The following BARHL1 variants were observed in gnomAD, a reference collection of about 807,000 sequenced individuals.
The protein encoded by BARHL1 is BarH like homeobox 1.
In BARHL1, 2 loss-of-function variants were observed where a neutral mutation model predicts 20.1. The observed-to-expected ratio is 0.10, with a 90% CI of 0.04 to 0.31. BARHL1 has a LOEUF of 0.31. Among genes scored for constraint, BARHL1 ranks in the 10% least tolerant of loss-of-function variants. The probability of loss-of-function intolerance (pLI) is 1.00; values close to 1 mark genes in which losing one functional copy is unlikely to be tolerated. For synonymous variants in BARHL1, 213 were observed against 209.9 expected, an observed-to-expected ratio of 1.01 and a Z score of -0.13; for missense variants, 397 against 454.0, an observed-to-expected ratio of 0.87 and a Z score of 1.14.
chr9:132,584,201 T>A (rs1052273354), intron 1 of BARHL1, among the ~76,000 whole-genome samples: 2 of 152,146 alleles, frequency 1.3e-5, no homozygotes, highest in Non-Finnish European at 2.9e-5. Flanking sequence ...AAGAATTCCC[T>A]AATTTTGTTT....
rs770354899 is a variant in BARHL1 at position 132,583,094 on chromosome 9, G to T, written c.297G>T (p.Arg99Ser). 1.9e-6 allele frequency: 3 copies of T among 1,613,888 alleles called. No individual in the cohort carries two copies. Among genetic ancestry groups the T allele is most frequent in the Non-Finnish European group, 2.5e-6 (3 of 1,179,970 alleles). Residue 99 changes from arginine (R) to serine (S), a missense_variant, in exon 1 of 3, where the codon AGG becomes AGT. Transcript: ENST00000263610. ...SRTVTSSFLIRDILADCKPLA... is the reference protein window; with the variant it reads ...SRTVTSSFLISDILADCKPLA... ...CCGTCACCTCCTCCTTTCTGATCAG[G>T]GACATCCTTGCCGACTGCAAACCAC...
chr9:132,588,622 G>A (rs372833127), intron 2 of BARHL1, among the ~76,000 whole-genome samples: 2 of 152,182 alleles, frequency 1.3e-5, no homozygotes, highest in East Asian at 1.9e-4. Context: ...CAGACAGTGC[G>A]CAGGGCTCGC....
intron 1 of BARHL1, among the ~76,000 whole-genome samples, chr9:132,586,548 C>T (rs1830145979): frequency 1.3e-5 from 2 of 152,234 alleles, no homozygotes; most frequent in South Asian, 2.1e-4. Flanking sequence ...TGTAAACACA[C>T]GATGCCACGC....
Position 132,587,785 on chromosome 9 carries a change from G to A in BARHL1, c.689+234G>A, listed in dbSNP as rs1318671970. Among the ~76,000 whole-genome samples, 1 of 152,190 alleles carries A rather than the reference G, an allele frequency of 6.6e-6. No individual in the cohort carries two copies. The highest frequency in any genetic ancestry group is 1.5e-5 in the Non-Finnish European group (1 of 68,038). On this transcript the variant is annotated intron_variant, in intron 2 of 2. Transcript: ENST00000263610. This position sits in a 1 kb window ranked among gnomAD's most constrained non-coding sequence, Gnocchi z 5.5. Reference sequence around the variant, plus strand: ...TCCAGCGTCCAGTCAGCCCTCCCCCGGATGGGTGGACAGACACATAGGCCA... The same window carrying A: ...TCCAGCGTCCAGTCAGCCCTCCCCCAGATGGGTGGACAGACACATAGGCCA...
At position 132,589,766 on chromosome 9, in the gene BARHL1, C is replaced by T. The variant is rs557272579; in HGVS notation, c.*244C>T. 500 of 421,742 alleles carry T rather than the reference C, an allele frequency of 1.2e-3. No individual in the cohort carries two copies. Among genetic ancestry groups the T allele is most frequent in the Non-Finnish European group, 1.7e-3 (435 of 263,360 alleles). 26.1% of individuals were successfully genotyped at this position (421,742 alleles called of 1,614,324 possible). ...CGGCCGCTCTGTCCGGGAGCCATCCCCACCCGCCGGGTGTACATACGCGTC... is the reference window on the plus strand; with the variant it reads ...CGGCCGCTCTGTCCGGGAGCCATCCTCACCCGCCGGGTGTACATACGCGTC... On this transcript the variant is annotated 3_prime_UTR_variant, in exon 3 of 3. Coordinates refer to ENST00000263610, the MANE Select transcript of BARHL1 (RefSeq NM_020064.4).
In BARHL1 at chr9:132,589,427, C is replaced by T. The variant is rs779662889; in HGVS notation, c.889C>T (p.Arg297Cys). The change falls in exon 3 of 3, where the codon CGC (arginine) becomes TGC (cysteine). Residue 297 changes from arginine to cysteine, a missense_variant. Arg to Cys is a radical substitution (Grantham distance 180). Around this residue, in one of 3 missense-constraint regions of BARHL1, gnomAD observed 121 missense variants for 135.9 expected, o/e 0.89. Coordinates refer to ENST00000263610, the MANE Select transcript of BARHL1 (RefSeq NM_020064.4). ...TGCTCTCCAGAGACCTCTGGTGCCCCGCATCCTCATCCACGGACTCCAGGG... is the reference window on the plus strand; with the variant it reads ...TGCTCTCCAGAGACCTCTGGTGCCCTGCATCCTCATCCACGGACTCCAGGG... ...PPALQRPLVPRILIHGLQGAS... is the reference protein window; with the variant it reads ...PPALQRPLVPCILIHGLQGAS... 23 of 1,609,350 alleles carry T rather than the reference C, an allele frequency of 1.4e-5. No individual in the cohort carries two copies. The highest frequency in any genetic ancestry group is 2.2e-5 in the South Asian group (2 of 90,350).
At chr9:132,586,039 G>T (rs1186452565) in intron 1 of BARHL1, among the ~76,000 whole-genome samples, 1 of 152,232 alleles carries the variant, frequency 6.6e-6, no homozygotes, top group Non-Finnish European at 1.5e-5. Context: ...GGGAGAGCCT[G>T]GTGCCAGCCT....
chr9:132,589,524 G>C lies in BARHL1; in HGVS notation c.*2G>C, dbSNP rs1382175105. 7.6e-7 allele frequency: 1 copy of C among 1,313,670 alleles called. No individual in the cohort carries two copies. The highest frequency in any genetic ancestry group is 1.5e-5 in the African/African-American group (1 of 64,628). The allele number at this position is 1,313,670 out of a possible 1,614,324, so 81.4% of individuals were successfully genotyped here. A position where few individuals can be genotyped will look rare whatever the true frequency, so the allele number is the denominator to read the frequency against. On this transcript the variant is annotated 3_prime_UTR_variant, in exon 3 of 3. Transcript: ENST00000263610. Reference sequence around the variant, plus strand: ...CCACGCGCCGCGCAGCCTCGGTGAGGCGCCCGTCGGCTCCGGGGCCTCCTC... The same window carrying C: ...CCACGCGCCGCGCAGCCTCGGTGAGCCGCCCGTCGGCTCCGGGGCCTCCTC...
chr9:132,583,276 G>C lies in BARHL1; in HGVS notation c.466+13G>C. ...TCTGAGTATAAAGGTAAGAAAGCAG[G>C]AGGTGAAAACTTGGGGGGATGCTAT... On this transcript the variant is annotated intron_variant, in intron 1 of 2. Transcript: ENST00000263610. The C allele has an allele frequency of 6.3e-7, 1 of 1,591,530 alleles. No individual in the cohort carries two copies. Among genetic ancestry groups the C allele is most frequent in the Non-Finnish European group, 8.6e-7 (1 of 1,166,490 alleles).
In BARHL1 at chr9:132,582,929, C is replaced by T; in HGVS notation, c.132C>T (p.Ser44=). ...SPLELSPRSE[S]SSDCSSPASP... The stretch of plus-strand genomic sequence containing the variant: ...TGGAGCTGAGTCCACGCTCAGAGAG[C>T]AGCAGCGACTGCTCTTCGCCAGCCT... Residue 44 remains serine (S), a synonymous_variant, in exon 1 of 3, where the codon AGC becomes AGT. Coordinates refer to ENST00000263610, the MANE Select transcript of BARHL1 (RefSeq NM_020064.4). The T allele has an allele frequency of 2.5e-6, 4 of 1,613,514 alleles. No individual in the cohort carries two copies. Among genetic ancestry groups the T allele is most frequent in the Non-Finnish European group, 3.4e-6 (4 of 1,179,960 alleles).
At chr9:132,586,257 C>T (rs78781031) in intron 1 of BARHL1, among the ~76,000 whole-genome samples, 3,102 of 152,302 alleles carry the variant, frequency 0.02, 111 homozygotes, top group African/African-American at 0.071. Context: ...ACTGCAAACG[C>T]CACGCACAAT....
rs1162461495 is a variant in BARHL1, at chr9:132,587,301, G to C, written c.467-28G>C. The C allele has an allele frequency of 1.3e-6, 2 of 1,562,966 alleles. No homozygotes were observed. The highest frequency in any genetic ancestry group is 2.7e-5 in the African/African-American group (2 of 73,966). ...GGGCACCGGCGGCGGCTGCGAGGCC[G>C]GGCCCTGACATGCCGCTGTGTCCGC... On this transcript the variant is annotated intron_variant, in intron 1 of 2. Transcript: ENST00000263610. This position sits in a 1 kb window ranked among gnomAD's most constrained non-coding sequence, Gnocchi z 5.5.
intron 1 of BARHL1, among the ~76,000 whole-genome samples, chr9:132,585,933 C>T (rs1830139340): frequency 6.6e-6 from 1 of 152,244 alleles, no homozygotes; most frequent in South Asian, 2.1e-4. Context: ...TTTCCTCAAA[C>T]TTATTTAAAC....
At chr9:132,586,846 C>T (rs1158123685) in intron 1 of BARHL1, among the ~76,000 whole-genome samples, 1 of 152,228 alleles carries the variant, frequency 6.6e-6, no homozygotes. Flanking sequence ...TTTTGTCCCT[C>T]CACGCAGGTT....
Position 132,589,396 on chromosome 9 carries a change from G to A in BARHL1, c.858G>A (p.Pro286=). The A allele has an allele frequency of 6.2e-7, 1 of 1,612,222 alleles. No individual in the cohort carries two copies. Among genetic ancestry groups the A allele is most frequent in the Non-Finnish European group, 8.5e-7 (1 of 1,179,650 alleles). ...ACCTGTACCGCGGCCCCAGCGCGCC[G>A]CCGCCTGCTCTCCAGAGACCTCTGG... ...ALYLYRGPSA[P]PPALQRPLVP... is the part of the protein sequence containing the mutation. The change falls in exon 3 of 3, where the codon CCG becomes CCA. Residue 286 remains proline, a synonymous_variant. Coordinates refer to ENST00000263610, the MANE Select transcript of BARHL1 (RefSeq NM_020064.4).
Position 132,582,719 on chromosome 9 carries a change from C to T in BARHL1, c.-79C>T, listed in dbSNP as rs924097914. On this transcript the variant is annotated 5_prime_UTR_variant, in exon 1 of 3. Transcript: ENST00000263610. ...TGCCCGCCTTCCCCATGCCAGCCCG[C>T]AGCTAGGGGCAGGGGCAGCGGCGGC... The T allele has an allele frequency of 1.8e-5, 24 of 1,310,142 alleles. No homozygotes were observed. The highest frequency in any genetic ancestry group is 2.4e-5 in the Admixed American group (1 of 41,570). The allele number at this position is 1,310,142 out of a possible 1,614,324, so 81.2% of individuals were successfully genotyped here. A position where few individuals can be genotyped will look rare whatever the true frequency, so the allele number is the denominator to read the frequency against.
intron 1 of BARHL1, among the ~76,000 whole-genome samples, chr9:132,584,903 T>G (rs1201131453): frequency 6.6e-6 from 1 of 152,168 alleles, no homozygotes; most frequent in Non-Finnish European, 1.5e-5. Flanking sequence ...AAATATATAT[T>G]CATAACATCA....
chr9:132,582,645 C>A lies in BARHL1; in HGVS notation c.-153C>A. 1 of 676,602 alleles carries A rather than the reference C, an allele frequency of 1.5e-6. No individual in the cohort carries two copies. The highest frequency in any genetic ancestry group is 2.0e-5 in the South Asian group (1 of 50,262). 41.9% of individuals were successfully genotyped at this position (676,602 alleles called of 1,614,324 possible). ...GCGCAGAGGAGGTTGGCCCAGAGCT[C>A]CCGGGCTCCCCCAAGGCTGAACTCC... On this transcript the variant is annotated 5_prime_UTR_variant, in exon 1 of 3. Transcript: ENST00000263610.
chr9:132,586,512 G>A (rs994358114), intron 1 of BARHL1, among the ~76,000 whole-genome samples: 2 of 152,262 alleles, frequency 1.3e-5, no homozygotes, highest in Non-Finnish European at 2.9e-5. Context: ...CTGGGCCCCC[G>A]GTGTAATTCT....
Sources: allele counts gnomAD v4.1 joint callset (sites outside exome capture counted in the v4.1 genomes callset), GRCh38; gene constraint gnomAD v4.1.1; regional missense constraint gnomAD v4.1.1; non-coding constraint Gnocchi (gnomAD v3.1); transcripts MANE v1.5; gene names NCBI Gene and HGNC (gene_info 2026-07-23, HGNC 2026-07-21).